The following SPCS2 variants were observed in gnomAD, a reference collection of about 807,000 sequenced individuals.
The protein encoded by SPCS2 is SPase 25 kDa subunit.
SPCS2 carries 3 observed loss-of-function variants against 22.3 expected under a neutral mutation model. That is an observed-to-expected ratio of 0.13 (90% confidence interval 0.06 to 0.35). SPCS2 has a LOEUF of 0.35. Among genes scored for constraint, SPCS2 ranks in the 10% least tolerant of loss-of-function variants. The pLI, the probability that SPCS2 is intolerant of heterozygous loss-of-function variation, is 1.00. For synonymous variants in SPCS2, 67 were observed against 97.2 expected, an observed-to-expected ratio of 0.69 and a Z score of 1.83; for missense variants, 169 against 280.9, an observed-to-expected ratio of 0.60 and a Z score of 2.85.
chr11:74,967,741 C>CTG (rs1468922645), intron 3 of SPCS2, among the ~76,000 whole-genome samples: 1 of 152,140 alleles, frequency 6.6e-6, no homozygotes, highest in Non-Finnish European at 1.5e-5. Context: ...GAGCAAGACT[C>CTG]TGTCTCAAAA....
chr11:74,952,815 C>A (rs1466616742), intron 1 of SPCS2, among the ~76,000 whole-genome samples: 1 of 152,176 alleles, frequency 6.6e-6, no homozygotes, highest in Admixed American at 6.5e-5. Flanking sequence ...GCTTGAGTGC[C>A]TTTTCTTGGA....
At chr11:74,957,479 G>A (rs1401339133) in intron 1 of SPCS2, among the ~76,000 whole-genome samples, 1 of 152,154 alleles carries the variant, frequency 6.6e-6, no homozygotes, top group Non-Finnish European at 1.5e-5. Flanking sequence ...CACCTTTCTA[G>A]AATAAGGACT....
intron 4 of SPCS2, among the ~76,000 whole-genome samples, chr11:74,973,398 C>T (rs1948598045): frequency 6.6e-6 from 1 of 152,106 alleles, no homozygotes; most frequent in South Asian, 2.1e-4. Context: ...AGTAACTTGG[C>T]CTCTCAGTTT....
chr11:74,962,656 T>A (rs1465282492), intron 1 of SPCS2, among the ~76,000 whole-genome samples: 5 of 152,034 alleles, frequency 3.3e-5, no homozygotes, highest in African/African-American at 1.2e-4. Context: ...TGATGAGAAG[T>A]AATAATCAGA....
intron 1 of SPCS2, among the ~76,000 whole-genome samples, chr11:74,957,702 T>TA (rs1484854122): frequency 6.6e-6 from 1 of 152,246 alleles, no homozygotes; most frequent in African/African-American, 2.4e-5. Flanking sequence ...GTCTACTTCT[T>TA]ACCATTTAGC....
rs765584213 is a variant in SPCS2 at position 74,949,567 on chromosome 11, A to G, written c.114+168A>G. 95 of 688,910 alleles carry G rather than the reference A, an allele frequency of 1.4e-4. 1 individual carries two copies. The African/African-American group carries it at 1.6e-3, about 12-fold the overall frequency. 42.7% of individuals were successfully genotyped at this position (688,910 alleles called of 1,614,324 possible). ...CTTGGAGCCTGCCCTTGCCCTCATC[A>G]CACTTCAAACCTGGACCCGGTCCTC... On this transcript the variant is annotated intron_variant, in intron 1 of 4. Coordinates refer to ENST00000263672, the MANE Select transcript of SPCS2 (RefSeq NM_014752.3).
chr11:74,969,766 A>G (rs1948569851), intron 4 of SPCS2, 67 bp downstream of exon 4: 1 of 1,575,014 alleles, frequency 6.3e-7, no homozygotes, highest in Admixed American at 1.7e-5. Context: ...GTCATTATCA[A>G]CAGAAGACTT....
chr11:74,962,730 T>A (rs1948521471), intron 1 of SPCS2, among the ~76,000 whole-genome samples: 1 of 152,174 alleles, frequency 6.6e-6, no homozygotes, highest in South Asian at 2.1e-4. Context: ...AGTAGAGACA[T>A]TACTTGCTTC....
At chr11:74,966,572 TATTTGATACATAATC>T (rs1293112890) in intron 3 of SPCS2, among the ~76,000 whole-genome samples, 6 of 152,222 alleles carry the variant, frequency 3.9e-5, no homozygotes, top group Admixed American at 3.9e-4. Context: ...TTTTATATTG[TATTTGATACATAATC>T]ATTTCCTTTC....
chr11:74,962,580 C>T (rs1220954394), intron 1 of SPCS2, among the ~76,000 whole-genome samples: 4 of 151,284 alleles, frequency 2.6e-5, no homozygotes, highest in African/African-American at 7.3e-5. Context: ...TTTAAAATAC[C>T]CGAATTAGTA....
chr11:74,949,695 C>T (rs778964966), intron 1 of SPCS2: 31 of 473,362 alleles, frequency 6.5e-5, no homozygotes, highest in South Asian at 4.8e-4. Flanking sequence ...CTCTTTTCTC[C>T]TGGGGGGCTG....
At chr11:74,953,485 A>G (rs1441910395) in intron 1 of SPCS2, among the ~76,000 whole-genome samples, 1 of 152,046 alleles carries the variant, frequency 6.6e-6, no homozygotes, top group Non-Finnish European at 1.5e-5. Flanking sequence ...GCGCCACCAC[A>G]CCCAGCCTAA....
At chr11:74,949,699 G>T (rs771562581) in intron 1 of SPCS2, 1 of 471,816 alleles carries the variant, frequency 2.1e-6, no homozygotes, top group South Asian at 1.5e-5. Flanking sequence ...TTTCTCCTGG[G>T]GGGCTGGGTG....
At chr11:74,953,034 C>T (rs1027356754) in intron 1 of SPCS2, among the ~76,000 whole-genome samples, 3 of 152,058 alleles carry the variant, frequency 2.0e-5, no homozygotes, top group Non-Finnish European at 4.4e-5. Context: ...AGAGAAAAAA[C>T]TTGAGATCTG....
chr11:74,974,054 C>G (rs1488433663), intron 4 of SPCS2, among the ~76,000 whole-genome samples: 3 of 152,098 alleles, frequency 2.0e-5, no homozygotes, highest in Admixed American at 1.3e-4. Flanking sequence ...GCTCTTGTCT[C>G]CTTTACTTGA....
intron 1 of SPCS2, among the ~76,000 whole-genome samples, chr11:74,961,981 T>C (rs1948516871): frequency 6.6e-6 from 1 of 152,224 alleles, no homozygotes. Context: ...ATTTGTAATT[T>C]AGCCCTAAAG....
At position 74,972,477 on chromosome 11, in the gene SPCS2, A is replaced by G. The variant is rs542329747; in HGVS notation, c.494+2778A>G. 6.6e-5 allele frequency among the ~76,000 whole-genome samples: 10 copies of G among 152,308 alleles called. No individual in the cohort carries two copies. In the South Asian group the frequency reaches 1.9e-3, roughly 28 times the overall value. ...GGCCCGCCCCCTCCTCCAAAGTGTG[A>G]GCTCCTTTACCATTCACTATACAGT... On this transcript the variant is annotated intron_variant, in intron 4 of 4. Transcript: ENST00000263672.
At chr11:74,955,929 T>G (rs1174363469) in intron 1 of SPCS2, among the ~76,000 whole-genome samples, 1 of 138,086 alleles carries the variant, frequency 7.2e-6, no homozygotes, top group Admixed American at 7.6e-5. Flanking sequence ...CTAGCACCAT[T>G]TCTCTGCTCT....
intron 1 of SPCS2, among the ~76,000 whole-genome samples, chr11:74,960,000 C>T (rs755202097): frequency 1.3e-5 from 2 of 152,180 alleles, no homozygotes; most frequent in Non-Finnish European, 2.9e-5. Flanking sequence ...TGCCTGTTTT[C>T]TTTGAACTGG....
Sources: gnomAD v4.1 joint callset for allele counts (sites outside exome capture counted in the v4.1 genomes callset) on GRCh38, gnomAD v4.1.1 for gene constraint, MANE v1.5 for transcripts, NCBI Gene and HGNC (gene_info 2026-07-23, HGNC 2026-07-21) for gene names.